Variants in CYP2F1 observed in about 807,000 individuals in gnomAD.
CYP2F1 encodes the protein cytochrome P450 2F1.
Under a neutral mutation model 40.4 loss-of-function variants are expected in CYP2F1, and 33 were observed. That is an observed-to-expected ratio of 0.82 (90% CI 0.62 to 1.09). The LOEUF (loss-of-function observed/expected upper bound fraction) is 1.09. Among genes scored for constraint, CYP2F1 ranks in the 50% least tolerant of loss-of-function variants. CYP2F1 has a pLI of 0.00. For synonymous variants in CYP2F1, 235 were observed against 277.2 expected, an observed-to-expected ratio of 0.85 and a Z score of 1.51; for missense variants, 566 against 655.7, an observed-to-expected ratio of 0.86 and a Z score of 1.49.
intron 3 of CYP2F1, among the ~76,000 whole-genome samples, chr19:41,117,561 T>C (rs1310136329): frequency 6.6e-6 from 1 of 152,054 alleles, no homozygotes; most frequent in Non-Finnish European, 1.5e-5. Flanking sequence ...AACAACCCCA[T>C]CACATATCTA....
rs764780116 is a variant in CYP2F1, at chr19:41,116,281, TC to T, written c.95del (p.Pro32ArgfsTer21). ...LSSRDKGKLP[P>X]GPRPLSILGN... ...GCTCAAGAGATAAGGGAAAGCTGCC[TC>T]CGGGACCCAGACCCCTCTCAATCCT... On this transcript the variant is annotated frameshift_variant, in exon 2 of 10. Coordinates refer to ENST00000331105, the MANE Select transcript of CYP2F1 (RefSeq NM_000774.5). LOFTEE classifies it high-confidence loss of function. 2.5e-6 allele frequency: 4 copies of T among 1,613,962 alleles called. No homozygotes were observed. The highest frequency in any genetic ancestry group is 3.4e-6 in the Non-Finnish European group (4 of 1,180,012).
intron 1 of CYP2F1, among the ~76,000 whole-genome samples, chr19:41,115,105 G>T (rs757954192): frequency 6.6e-6 from 1 of 151,134 alleles, no homozygotes; most frequent in African/African-American, 2.4e-5. Flanking sequence ...CAGCCTACCC[G>T]TCTCTTTGTG....
In CYP2F1 at chr19:41,125,152, C is replaced by T. The variant is rs200561409; in HGVS notation, c.1152+246C>T. Reference sequence around the variant, plus strand: ...GACAAATCCCCTTCCTAGAACCCCTCCCTGGAAGCCCTGGGGTCTGGAACT... The same window carrying T: ...GACAAATCCCCTTCCTAGAACCCCTTCCTGGAAGCCCTGGGGTCTGGAACT... On this transcript the variant is annotated intron_variant, in intron 8 of 9. Coordinates refer to ENST00000331105, the MANE Select transcript of CYP2F1 (RefSeq NM_000774.5). 482 of 560,362 alleles carry T rather than the reference C, an allele frequency of 8.6e-4. 2 individuals are homozygous for T. The East Asian group carries it at 0.014, about 16-fold the overall frequency. The allele number at this position is 560,362 out of a possible 1,614,324, so 34.7% of individuals were successfully genotyped here.
At chr19:41,124,049 G>A (rs2032384019) in intron 7 of CYP2F1, among the ~76,000 whole-genome samples, 1 of 151,556 alleles carries the variant, frequency 6.6e-6, no homozygotes, top group African/African-American at 2.4e-5. Context: ...CTCCCACACA[G>A]TCCACCCACT....
Position 41,115,258 on chromosome 19 carries a change from C to A in CYP2F1, c.-12+766C>A, listed in dbSNP as rs945752465. Among the ~76,000 whole-genome samples the A allele has an allele frequency of 3.3e-5, 5 of 152,164 alleles. No homozygotes were observed. In the East Asian group the frequency reaches 5.8e-4, roughly 18 times the overall value. ...TGTCTAGCTCTGTCTCTCCCTCTCT[C>A]TGTCCCTCTTACCCTTTTTCTCTCC... On this transcript the variant is annotated intron_variant, in intron 1 of 9. Coordinates refer to ENST00000331105, the MANE Select transcript of CYP2F1 (RefSeq NM_000774.5).
chr19:41,125,136 C>T, intron 8 of CYP2F1: 2 of 566,716 alleles, frequency 3.5e-6, no homozygotes, highest in Non-Finnish European at 6.1e-6. Context: ...TGACAAATCC[C>T]CTTCCTAGAA....
Position 41,128,018 on chromosome 19 carries a change from C to A in CYP2F1, c.1412C>A (p.Thr471Asn), listed in dbSNP as rs1258646313. Reference sequence around the variant, plus strand: ...GGTGCGCCCGAGGACATCGACCTGACCCCACTCAGCTCAGGTCTTGGCAAT... The same window carrying A: ...GGTGCGCCCGAGGACATCGACCTGAACCCACTCAGCTCAGGTCTTGGCAAT... ...PLGAPEDIDLTPLSSGLGNLP... is the reference protein window; with the variant it reads ...PLGAPEDIDLNPLSSGLGNLP... Residue 471 changes from threonine to asparagine, a missense_variant, in exon 10 of 10, where the codon ACC becomes AAC. This residue lies in a region of CYP2F1 where 85 missense variants were observed against 84.9 expected (regional missense o/e 1.00). Coordinates refer to ENST00000331105, the MANE Select transcript of CYP2F1 (RefSeq NM_000774.5). 6.2e-7 allele frequency: 1 copy of A among 1,613,100 alleles called. No individual in the cohort carries two copies. Among genetic ancestry groups the A allele is most frequent in the South Asian group, 1.1e-5 (1 of 91,024 alleles).
intron 3 of CYP2F1, among the ~76,000 whole-genome samples, chr19:41,118,899 C>T (rs2031976401): frequency 6.6e-6 from 1 of 152,108 alleles, no homozygotes; most frequent in East Asian, 1.9e-4. Flanking sequence ...GTATCTAGTT[C>T]TCTGCTAGGT....
chr19:41,116,402 G>A, intron 2 of CYP2F1, 43 bp downstream of exon 2: 6 of 1,609,466 alleles, frequency 3.7e-6, no homozygotes, highest in Non-Finnish European at 5.1e-6. Flanking sequence ...GGATAAGGAG[G>A]AGGGGTCCCA....
chr19:41,119,772 C>CACACACAG (rs1568377542), intron 3 of CYP2F1, among the ~76,000 whole-genome samples: 2 of 134,768 alleles, frequency 1.5e-5, no homozygotes, highest in African/African-American at 5.6e-5. Flanking sequence ...CACACACACA[C>CACACACAG]ACACACACAC....
At chr19:41,121,805 C>T (rs976017565) in intron 5 of CYP2F1, 152 bp from the exon 6 acceptor site, 2 of 1,056,348 alleles carry the variant, frequency 1.9e-6, no homozygotes, top group Non-Finnish European at 2.7e-6. Context: ...CCGCCATTGC[C>T]TCCTTCCCAC....
At chr19:41,119,022 T>A (rs2031983279) in intron 3 of CYP2F1, among the ~76,000 whole-genome samples, 1 of 151,992 alleles carries the variant, frequency 6.6e-6, no homozygotes, top group Non-Finnish European at 1.5e-5. Context: ...TGGTCCAGGC[T>A]GGGATGGGGG....
In CYP2F1 at chr19:41,121,498, G is replaced by A. The variant is rs1206183963; in HGVS notation, c.525G>A (p.Val175=). 17 of 1,609,816 alleles carry A rather than the reference G, an allele frequency of 1.1e-5. 1 individual carries two copies. Among genetic ancestry groups the A allele is most frequent in the Admixed American group, 1.7e-5 (1 of 59,870 alleles). The change falls in exon 5 of 10, where the codon GTG becomes GTA. Residue 175 remains valine, a synonymous_variant. Transcript: ENST00000331105. ...CCACGTTTGTGCTGAGTCGCTCAGT[G>A]TCCAACATTATCTGTTCCGTGCTCT... ...FDPTFVLSRS[V]SNIICSVLFG...
intron 7 of CYP2F1, among the ~76,000 whole-genome samples, chr19:41,124,249 C>CT (rs367729339): frequency 2.9e-5 from 3 of 102,354 alleles, no homozygotes; most frequent in African/African-American, 1.2e-4. Flanking sequence ...TCCTCTTCCC[C>CT]CCCCCCTTTT....
At chr19:41,120,233 C>A in intron 3 of CYP2F1, 114 bp from the exon 4 acceptor site, 1 of 1,077,204 alleles carries the variant, frequency 9.3e-7, no homozygotes, top group Non-Finnish European at 1.3e-6. Flanking sequence ...TGGAAGGAGC[C>A]AGGGAGATTC....
At chr19:41,117,808 C>A (rs1321091456) in intron 3 of CYP2F1, among the ~76,000 whole-genome samples, 1 of 151,676 alleles carries the variant, frequency 6.6e-6, no homozygotes, top group Non-Finnish European at 1.5e-5. Flanking sequence ...CTTGGAATCA[C>A]CCTAGTCCTG....
At chr19:41,124,323 G>T (rs1311296769) in intron 7 of CYP2F1, among the ~76,000 whole-genome samples, 3 of 127,116 alleles carry the variant, frequency 2.4e-5, no homozygotes, top group Non-Finnish European at 4.7e-5. Context: ...AAGTGCAGTG[G>T]CCTGATCCCA....
intron 9 of CYP2F1, among the ~76,000 whole-genome samples, chr19:41,126,816 A>G (rs1599686655): frequency 6.6e-6 from 1 of 152,114 alleles, no homozygotes; most frequent in Non-Finnish European, 1.5e-5. Flanking sequence ...AGAAAAAAAA[A>G]TTGAACTTGG....
At chr19:41,116,422 G>T in intron 2 of CYP2F1, 33 bp from the exon 3 acceptor site, 2 of 1,607,986 alleles carry the variant, frequency 1.2e-6, no homozygotes, top group Non-Finnish European at 1.7e-6. Flanking sequence ...ATGGCCACAG[G>T]CCCCCCTGTA....
Sources: gnomAD v4.1 joint callset for allele counts (sites outside exome capture counted in the v4.1 genomes callset) on GRCh38, gnomAD v4.1.1 for gene constraint, gnomAD v4.1.1 regional missense constraint, MANE v1.5 for transcripts, NCBI Gene and HGNC (gene_info 2026-07-23, HGNC 2026-07-21) for gene names.